Variants in WASF2 observed in about 807,000 individuals in gnomAD.
WASF2 encodes WASP family member 2.
A neutral mutation model predicts 45.0 loss-of-function variants in WASF2; 14 were observed. The observed-to-expected ratio is 0.31, with a 90% confidence interval of 0.21 to 0.49. WASF2 has a LOEUF of 0.49. Ranked by LOEUF, WASF2 falls within the 20% of genes least tolerant of loss-of-function variation. The probability of loss-of-function intolerance (pLI) is 0.99; values close to 1 mark genes in which losing one functional copy is unlikely to be tolerated. For missense variants in WASF2, 439 were observed against 636.1 expected (o/e 0.69, Z 3.33); for synonymous variants, 200 against 236.3 (o/e 0.85, Z 1.41).
chr1:27,429,019 T>G, intron 1 of WASF2, 86 bp from the exon 2 acceptor site: 1 of 1,053,610 alleles, frequency 9.5e-7, no homozygotes, highest in Non-Finnish European at 1.3e-6. Context: ...TTTTTTTTTT[T>G]GGTCTTACCC....
chr1:27,461,493 C>T (rs2017543347), intron 1 of WASF2, among the ~76,000 whole-genome samples: 1 of 149,564 alleles, frequency 6.7e-6, no homozygotes, highest in African/African-American at 2.5e-5. Flanking sequence ...CGGAGTCTCG[C>T]TCTGTCTCCC....
At chr1:27,412,765 G>A in intron 6 of WASF2, 38 bp from the exon 7 acceptor site, 1 of 1,611,174 alleles carries the variant, frequency 6.2e-7, no homozygotes, top group Middle Eastern at 1.7e-4. Context: ...GTCATTTAAA[G>A]AGCCTGAGTG....
intron 2 of WASF2, among the ~76,000 whole-genome samples, chr1:27,426,542 G>A (rs1307773113): frequency 2.7e-5 from 4 of 146,842 alleles, no homozygotes; most frequent in Non-Finnish European, 4.5e-5. Context: ...ATGAAGTCTC[G>A]CTCTGTCGCC....
chr1:27,482,740 T>C (rs1046083416), intron 1 of WASF2, among the ~76,000 whole-genome samples: 10 of 152,222 alleles, frequency 6.6e-5, no homozygotes, highest in African/African-American at 2.4e-4. Flanking sequence ...CTCATTTTCT[T>C]ATCCAAAGTC....
At position 27,406,564 on chromosome 1, in the gene WASF2, G is replaced by C. The variant is rs2148093758; in HGVS notation, c.*1625C>G. 1 of 152,824 alleles carries C rather than the reference G, an allele frequency of 6.5e-6. No homozygotes were observed. The highest frequency in any genetic ancestry group is 1.9e-4 in the East Asian group (1 of 5,186). 9.5% of individuals were successfully genotyped at this position (152,824 alleles called of 1,614,324 possible). A position where few individuals can be genotyped will look rare whatever the true frequency, so the allele number is the denominator to read the frequency against. ...TTCTCTTTGTTTCAGGGCTCTGAAA[G>C]CCGGAGAAGCCAGCAGAAGCCGATT... is the stretch of plus-strand genomic sequence containing the variant. On this transcript the variant is annotated 3_prime_UTR_variant, in exon 9 of 9. Coordinates refer to ENST00000618852, the MANE Select transcript of WASF2 (RefSeq NM_006990.5).
At chr1:27,478,685 C>G (rs1017788197) in intron 1 of WASF2, among the ~76,000 whole-genome samples, 23 of 152,050 alleles carry the variant, frequency 1.5e-4, no homozygotes, top group African/African-American at 5.3e-4. Flanking sequence ...CAGGTTCAAG[C>G]GAGTCTCCTG....
At chr1:27,463,752 T>A (rs2017579182) in intron 1 of WASF2, among the ~76,000 whole-genome samples, 1 of 151,402 alleles carries the variant, frequency 6.6e-6, no homozygotes. Context: ...TCTGCTGTCC[T>A]GCTTCTGATC....
At chr1:27,462,098 C>G (rs559225735) in intron 1 of WASF2, among the ~76,000 whole-genome samples, 1 of 152,078 alleles carries the variant, frequency 6.6e-6, no homozygotes, top group South Asian at 2.1e-4. Context: ...CTGCCTCAGC[C>G]TCCCAAGTAG....
At position 27,410,573 on chromosome 1, in the gene WASF2, C is replaced by A. The variant is rs2016749460; in HGVS notation, c.825-367G>T. On this transcript the variant is annotated intron_variant, in intron 7 of 8. Transcript: ENST00000618852. This position sits in a 1 kb window ranked among gnomAD's most constrained non-coding sequence, Gnocchi z 4.2. ...CTTCCCTAAGAAGGATGGTCCATGG[C>A]AGTTGCTAGTTTAATCCTGGAGCCA... 6.6e-6 allele frequency among the ~76,000 whole-genome samples: 1 copy of A among 152,148 alleles called. No individual in the cohort carries two copies. Among genetic ancestry groups the A allele is most frequent in the Admixed American group, 6.5e-5 (1 of 15,272 alleles).
At chr1:27,481,856 C>G (rs547703387) in intron 1 of WASF2, among the ~76,000 whole-genome samples, 1 of 152,266 alleles carries the variant, frequency 6.6e-6, no homozygotes, top group South Asian at 2.1e-4. Flanking sequence ...ATATCACAGG[C>G]AAAGTTTAAT....
chr1:27,487,913 G>C (rs980046344), intron 1 of WASF2, among the ~76,000 whole-genome samples: 1 of 149,986 alleles, frequency 6.7e-6, no homozygotes, highest in Non-Finnish European at 1.5e-5. Flanking sequence ...ATTCTCAGAG[G>C]GTTTAAGATT....
intron 1 of WASF2, among the ~76,000 whole-genome samples, chr1:27,464,890 G>A (rs145047333): frequency 2.1e-4 from 32 of 152,242 alleles, no homozygotes; most frequent in Non-Finnish European, 3.4e-4. Flanking sequence ...CACCACGCCC[G>A]GCTAATTATT....
At chr1:27,454,151 GTGTATATATATATATATA>G (rs1557612225) in intron 1 of WASF2, among the ~76,000 whole-genome samples, 4 of 81,080 alleles carry the variant, frequency 4.9e-5, no homozygotes, top group Non-Finnish European at 6.6e-5. Context: ...GTGTGTGTGT[GTGTATATATATATATATA>G]TATATATATA....
At chr1:27,471,376 T>C (rs1169974916) in intron 1 of WASF2, among the ~76,000 whole-genome samples, 1 of 148,020 alleles carries the variant, frequency 6.8e-6, no homozygotes, top group Non-Finnish European at 1.5e-5. Flanking sequence ...GAGTAGGCTG[T>C]GCACAGAGCC....
Position 27,435,316 on chromosome 1 carries a change from T to A in WASF2, c.-43-6383A>T, listed in dbSNP as rs1045989558. Among the ~76,000 whole-genome samples the A allele has an allele frequency of 2.6e-5, 4 of 152,026 alleles. No individual in the cohort carries two copies. The East Asian group carries it at 7.7e-4, about 29-fold the overall frequency. Reference sequence around the variant, plus strand: ...AAAAAGAGACTCGGGCCAGGCACAGTAGCTCGCACCTGTAATCCCAACACT... The same window carrying A: ...AAAAAGAGACTCGGGCCAGGCACAGAAGCTCGCACCTGTAATCCCAACACT... On this transcript the variant is annotated intron_variant, in intron 1 of 8. Transcript: ENST00000618852.
intron 2 of WASF2, 90 bp downstream of exon 2, chr1:27,428,671 G>A: frequency 1.2e-6 from 2 of 1,600,254 alleles, no homozygotes; most frequent in Non-Finnish European, 1.7e-6. Context: ...GGCAGATGGG[G>A]GAGAAATAGG....
chr1:27,489,250 G>GCACACACACA (rs1023392585), intron 1 of WASF2, among the ~76,000 whole-genome samples: 1 of 111,594 alleles, frequency 9.0e-6, no homozygotes, highest in African/African-American at 3.9e-5. Flanking sequence ...TCCTGTACGC[G>GCACACACACA]CGCACACACA....
chr1:27,456,319 A>T (rs900434553), intron 1 of WASF2, among the ~76,000 whole-genome samples: 13 of 6,512 alleles, frequency 2.0e-3, no homozygotes, highest in Admixed American at 0.01. Context: ...GAGACTCTAA[A>T]AAAAAAAAAA....
At chr1:27,412,303 C>T (rs1305697834) in intron 7 of WASF2, among the ~76,000 whole-genome samples, 1 of 152,182 alleles carries the variant, frequency 6.6e-6, no homozygotes, top group Non-Finnish European at 1.5e-5. Context: ...ACCTCCCAGG[C>T]TCAAGCGATC....
Sources: gnomAD v4.1 joint callset for allele counts (sites outside exome capture counted in the v4.1 genomes callset) on GRCh38, gnomAD v4.1.1 for gene constraint, Gnocchi (gnomAD v3.1) non-coding constraint, MANE v1.5 for transcripts, NCBI Gene and HGNC (gene_info 2026-07-23, HGNC 2026-07-21) for gene names.